Variants in RPF2 observed in about 807,000 individuals in gnomAD.
RPF2 encodes brix domain containing 1.
A neutral mutation model predicts 38.9 loss-of-function variants in RPF2; 21 were observed. That is an observed-to-expected ratio of 0.54 (90% CI 0.38 to 0.78). RPF2 has a LOEUF of 0.78. RPF2 is among the 30% of genes least tolerant of loss of function. The pLI is 0.00. For missense variants in RPF2, 314 were observed against 358.1 expected (o/e 0.88, Z 0.99); for synonymous variants, 121 against 126.2 (o/e 0.96, Z 0.28).
intron 4 of RPF2, among the ~76,000 whole-genome samples, chr6:110,992,167 G>A (rs1024256483): frequency 1.3e-5 from 2 of 152,132 alleles, no homozygotes; most frequent in Middle Eastern, 6.8e-3. Context: ...AAAATTAGCC[G>A]GGCGTGATGG....
rs1429900102 is a variant in RPF2 at position 110,989,028 on chromosome 6, T to G, written c.157T>G (p.Tyr53Asp). Residue 53 changes from tyrosine (Y) to aspartate (D), a missense_variant and splice_region_variant, in exon 3 of 10, where the codon TAT (tyrosine) becomes GAT (aspartate). Physicochemically the swap from Tyr to Asp is radical, Grantham distance 160. Transcript: ENST00000441448. Reference sequence around the variant, plus strand: ...GAAAGCTATAAATTTTGTTTTACAGTATGCACTGAAAAAACCATACGGTGT... The same window carrying G: ...GAAAGCTATAAATTTTGTTTTACAGGATGCACTGAAAAAACCATACGGTGT... The part of the protein sequence containing the change: ...ATVTKVLKDV[Y>D]ALKKPYGVLY... The G allele has an allele frequency of 3.1e-6, 5 of 1,594,654 alleles. No individual in the cohort carries two copies. Among genetic ancestry groups the G allele is most frequent in the Non-Finnish European group, 4.3e-6 (5 of 1,170,712 alleles).
In RPF2 at chr6:111,026,383, A is replaced by T. The variant is rs1023122769; in HGVS notation, c.*801A>T. 2.0e-5 allele frequency: 3 copies of T among 150,018 alleles called. No individual in the cohort carries two copies. The highest frequency in any genetic ancestry group is 4.9e-5 in the African/African-American group (2 of 40,488). The allele number at this position is 150,018 out of a possible 1,614,324, so 9.3% of individuals were successfully genotyped here. A position where few individuals can be genotyped will look rare whatever the true frequency, so the allele number is the denominator to read the frequency against. The stretch of plus-strand genomic sequence containing the variant: ...CCACTGAGCCCTACTTTTTTTTTTT[A>T]AAGCAATGAGGTCTTGCTGTGTTGC... On this transcript the variant is annotated 3_prime_UTR_variant, in exon 10 of 10. Transcript: ENST00000441448.
chr6:110,987,177 C>T (rs941313755), intron 2 of RPF2, among the ~76,000 whole-genome samples: 2 of 152,014 alleles, frequency 1.3e-5, no homozygotes, highest in Non-Finnish European at 2.9e-5. Context: ...AGGCGATTCT[C>T]CTGCCTCTAG....
At position 110,990,773 on chromosome 6, in the gene RPF2, A is replaced by G. The variant is rs551082282; in HGVS notation, c.195-974A>G. ...TTTTTAGTAGAGACAGGGTTTCACC[A>G]TGTTGGCCAGGCTGGTCTCAGACTC... is the stretch of plus-strand genomic sequence containing the variant. On this transcript the variant is annotated intron_variant, in intron 3 of 9. Coordinates refer to ENST00000441448, the MANE Select transcript of RPF2 (RefSeq NM_032194.3). Among the ~76,000 whole-genome samples the G allele has an allele frequency of 3.0e-4, 45 of 152,116 alleles. No individual in the cohort carries two copies. In the South Asian group the frequency reaches 9.1e-3, roughly 31 times the overall value.
intron 7 of RPF2, among the ~76,000 whole-genome samples, chr6:111,012,044 A>G (rs1258488758): frequency 6.7e-6 from 1 of 148,934 alleles, no homozygotes; most frequent in Non-Finnish European, 1.5e-5. Context: ...CAAGAAATGT[A>G]TGAAGGGCTT....
intron 7 of RPF2, among the ~76,000 whole-genome samples, chr6:111,011,493 A>G (rs6920983): frequency 0.13 from 19,561 of 151,844 alleles, 1,745 homozygotes; most frequent in East Asian, 0.5. Flanking sequence ...TCACCATGTT[A>G]GCCAGGCTGG....
chr6:110,984,204 C>T (rs1771483803), intron 1 of RPF2, among the ~76,000 whole-genome samples: 1 of 152,040 alleles, frequency 6.6e-6, no homozygotes, highest in Non-Finnish European at 1.5e-5. Flanking sequence ...TCCTGGCAGG[C>T]ATTGTGGTCT....
At position 110,985,137 on chromosome 6, in the gene RPF2, T is replaced by G. The variant is rs748308585; in HGVS notation, c.155T>G (p.Val52Gly). 4.3e-6 allele frequency: 7 copies of G among 1,611,816 alleles called. No homozygotes were observed. The highest frequency in any genetic ancestry group is 5.9e-6 in the Non-Finnish European group (7 of 1,178,228). ...ACAGTGACAAAAGTACTTAAAGATG[T>G]GGTAAGTATATATACTTAATCTTTA... ...NATVTKVLKD[V>G]YALKKPYGVL... Residue 52 changes from valine to glycine, a missense_variant and splice_region_variant, in exon 2 of 10, where the codon GTG becomes GGG. Physicochemically the swap from Val to Gly is moderately radical, Grantham distance 109. Transcript: ENST00000441448.
At chr6:110,991,416 A>G (rs3894918) in intron 3 of RPF2, among the ~76,000 whole-genome samples, 15,353 of 146,916 alleles carry the variant, frequency 0.1, 932 homozygotes, top group African/African-American at 0.16. Flanking sequence ...TTTTTTTTTA[A>G]CACACTTTCT....
intron 8 of RPF2, among the ~76,000 whole-genome samples, chr6:111,021,943 T>C (rs1194636160): frequency 6.6e-6 from 1 of 152,276 alleles, no homozygotes; most frequent in Non-Finnish European, 1.5e-5. Context: ...TAATATAACC[T>C]TTAACATGAT....
At chr6:111,006,271 C>G (rs902520625) in intron 6 of RPF2, among the ~76,000 whole-genome samples, 1 of 151,880 alleles carries the variant, frequency 6.6e-6, no homozygotes, top group Non-Finnish European at 1.5e-5. Context: ...GCATCTCGCT[C>G]TCACCCAAGC....
intron 6 of RPF2, among the ~76,000 whole-genome samples, chr6:111,000,765 T>C (rs914842005): frequency 6.6e-6 from 1 of 152,124 alleles, no homozygotes; most frequent in African/African-American, 2.4e-5. Context: ...CTTTTTTGTA[T>C]AGATTGGGAG....
chr6:111,002,909 C>T (rs1367630533), intron 6 of RPF2, among the ~76,000 whole-genome samples: 2 of 151,892 alleles, frequency 1.3e-5, no homozygotes, highest in Non-Finnish European at 2.9e-5. Flanking sequence ...GCCGGGATTA[C>T]AGGCGCCCAC....
intron 3 of RPF2, among the ~76,000 whole-genome samples, chr6:110,989,830 C>T (rs1320355163): frequency 1.3e-5 from 2 of 152,268 alleles, no homozygotes; most frequent in African/African-American, 2.4e-5. Flanking sequence ...ACCATGTTGG[C>T]CAGGCTGGTC....
chr6:111,002,505 A>T (rs1247351435), intron 6 of RPF2, among the ~76,000 whole-genome samples: 2 of 149,684 alleles, frequency 1.3e-5, no homozygotes, highest in African/African-American at 2.5e-5. Flanking sequence ...GCCCAGCCAC[A>T]TTTTTTTTTA....
intron 1 of RPF2, chr6:110,982,401 A>G: frequency 1.8e-6 from 1 of 554,470 alleles, no homozygotes; most frequent in Non-Finnish European, 3.2e-6. Flanking sequence ...CTGACTTCCG[A>G]AGTATGAGAC....
intron 7 of RPF2, among the ~76,000 whole-genome samples, chr6:111,010,753 C>G (rs1034230097): frequency 6.6e-6 from 1 of 152,070 alleles, no homozygotes; most frequent in Non-Finnish European, 1.5e-5. Flanking sequence ...TATGCACATG[C>G]TTTACAAATC....
At chr6:111,020,623 G>A (rs1357398932) in intron 8 of RPF2, among the ~76,000 whole-genome samples, 2 of 152,170 alleles carry the variant, frequency 1.3e-5, no homozygotes, top group African/African-American at 2.4e-5. Flanking sequence ...TACTTTGGGA[G>A]GCCAAGATGG....
Position 111,025,466 on chromosome 6 carries a change from C to G in RPF2, c.805C>G (p.Gln269Glu). The change falls in exon 10 of 10, where the codon CAG (glutamine) becomes GAG (glutamate). Residue 269 changes from glutamine to glutamate, a missense_variant. Physicochemically the swap from Gln to Glu is conservative, Grantham distance 29 (BLOSUM62 2). Coordinates refer to ENST00000441448, the MANE Select transcript of RPF2 (RefSeq NM_032194.3). ...FGTTYGRIHM[Q>E]KQDLSKLQTR... ...TACAACTTATGGAAGGATTCATATG[C>G]AGAAGCAAGACCTAAGCAAACTACA... 6.2e-7 allele frequency: 1 copy of G among 1,612,814 alleles called. No individual in the cohort carries two copies.
Sources: gnomAD v4.1 joint callset for allele counts (sites outside exome capture counted in the v4.1 genomes callset) on GRCh38, gnomAD v4.1.1 for gene constraint, MANE v1.5 for transcripts, NCBI Gene and HGNC (gene_info 2026-07-23, HGNC 2026-07-21) for gene names.